LGSN: variants seen among roughly 807,000 people sequenced by gnomAD.
LGSN encodes the protein lengsin, lens protein with glutamine synthetase domain, also known as lengsin.
Under a neutral mutation model 19.5 loss-of-function variants are expected in LGSN, and 21 were observed. The ratio of observed to expected loss-of-function variants is 1.07; its 90% CI spans 0.76 to 1.55. The LOEUF (loss-of-function observed/expected upper bound fraction) is 1.55, where lower values mean the gene tolerates loss of function less well. Ranked by LOEUF, LGSN falls within the 40% of genes most tolerant of loss-of-function variation. The probability of loss-of-function intolerance (pLI) is 0.00; values close to 1 mark genes in which losing one functional copy is unlikely to be tolerated. For synonymous variants in LGSN, 257 were observed against 215.6 expected, an observed-to-expected ratio of 1.19 and a Z score of -1.68; for missense variants, 673 against 608.5, an observed-to-expected ratio of 1.11 and a Z score of -1.12.
the LGSN span, chr6:63,549,288 A>G: frequency 1.3e-6 from 1 of 753,676 alleles, no homozygotes; most frequent in Non-Finnish European, 2.4e-6. Flanking sequence ...AGGCACTTTC[A>G]GCCACTTACA....
At chr6:63,427,296 G>A in the LGSN span, among the ~76,000 whole-genome samples, 60 of 152,054 alleles carry the variant, frequency 3.9e-4, no homozygotes, top group South Asian at 4.6e-3. Flanking sequence ...CACCCACATC[G>A]TCCTCCCAAA....
upstream of LGSN, among the ~76,000 whole-genome samples, chr6:63,324,604 T>A (rs1197945077): frequency 1.3e-5 from 2 of 151,950 alleles, no homozygotes; most frequent in African/African-American, 2.4e-5. Flanking sequence ...AAAATCAACA[T>A]CAAGAGGAAC....
chr6:63,530,314 GAC>G, the LGSN span, among the ~76,000 whole-genome samples: 1 of 152,124 alleles, frequency 6.6e-6, no homozygotes. Flanking sequence ...CACAGCTACA[GAC>G]AAAGCCAGCC....
At chr6:63,426,406 C>T in the LGSN span, among the ~76,000 whole-genome samples, 2 of 152,234 alleles carry the variant, frequency 1.3e-5, no homozygotes, top group Non-Finnish European at 2.9e-5. Context: ...TTCCCGCCCT[C>T]TACCAACTTC....
chr6:63,278,652 A>C lies in LGSN; in HGVS notation c.*1369T>G, dbSNP rs1397145486. 6.8e-6 allele frequency: 1 copy of C among 147,724 alleles called. No individual in the cohort carries two copies. The highest frequency in any genetic ancestry group is 1.5e-5 in the Non-Finnish European group (1 of 67,304). 9.2% of individuals were successfully genotyped at this position (147,724 alleles called of 1,614,324 possible). On this transcript the variant is annotated 3_prime_UTR_variant, in exon 4 of 4. Coordinates refer to ENST00000370657, the MANE Select transcript of LGSN (RefSeq NM_016571.3). Reference sequence around the variant, plus strand: ...TTTTTGTAGAAACAGGGGTCTCACTATGTGGTCCAGGCTGGACTCAAACTC... The same window carrying C: ...TTTTTGTAGAAACAGGGGTCTCACTCTGTGGTCCAGGCTGGACTCAAACTC...
the LGSN span, among the ~76,000 whole-genome samples, chr6:63,554,693 A>G: frequency 6.6e-6 from 1 of 152,328 alleles, no homozygotes; most frequent in African/African-American, 2.4e-5. Context: ...AGGCTGAGGC[A>G]CAAGAGTCCC....
intron 1 of LGSN, among the ~76,000 whole-genome samples, chr6:63,311,415 G>T (rs1768623477): frequency 6.6e-6 from 1 of 152,216 alleles, no homozygotes; most frequent in Non-Finnish European, 1.5e-5. Flanking sequence ...AATTGATGTG[G>T]ATGATCTGCC....
chr6:63,519,838 AATC>A, the LGSN span, among the ~76,000 whole-genome samples: 1 of 152,252 alleles, frequency 6.6e-6, no homozygotes, highest in East Asian at 1.9e-4. Context: ...CCTGAAATTC[AATC>A]ATCAATTTAT....
At chr6:63,323,773 CTTTTTTTTT>C (rs150256951), upstream of LGSN, among the ~76,000 whole-genome samples, 1 of 126,274 alleles carries the variant, frequency 7.9e-6, no homozygotes, top group African/African-American at 3.0e-5. Context: ...TTTTTGCATT[CTTTTTTTTT>C]TTTTTTTTGA....
the LGSN span, among the ~76,000 whole-genome samples, chr6:63,412,656 G>A: frequency 9.0e-6 from 1 of 111,234 alleles, no homozygotes. Flanking sequence ...GGAAGGAAGG[G>A]AAGGAAAGGA....
At chr6:63,480,964 T>C in the LGSN span, among the ~76,000 whole-genome samples, 2 of 37,760 alleles carry the variant, frequency 5.3e-5, no homozygotes, top group Non-Finnish European at 8.4e-5. Flanking sequence ...TATATATATA[T>C]ATATATATAT....
At chr6:63,539,259 C>T in the LGSN span, among the ~76,000 whole-genome samples, 37 of 152,092 alleles carry the variant, frequency 2.4e-4, no homozygotes, top group African/African-American at 8.9e-4. Context: ...AATTACATAA[C>T]ATGTAATATT....
chr6:63,571,696 T>C, the LGSN span: 1 of 152,350 alleles, frequency 6.6e-6, no homozygotes, highest in Admixed American at 6.5e-5. Flanking sequence ...ATGCATGTGA[T>C]TTCGAAATGC....
At chr6:63,412,507 A>AGAG in the LGSN span, among the ~76,000 whole-genome samples, 4 of 115,250 alleles carry the variant, frequency 3.5e-5, no homozygotes, top group African/African-American at 1.6e-4. Context: ...AGAAAGAAAG[A>AGAG]AAGAAAGAAA....
intron 1 of LGSN, among the ~76,000 whole-genome samples, chr6:63,306,793 AATTGTTGCCAT>A (rs1223201595): frequency 1.6e-4 from 24 of 152,258 alleles, no homozygotes; most frequent in African/African-American, 5.8e-4. Flanking sequence ...GAGTCCAGAC[AATTGTTGCCAT>A]ATTAAAACGT....
the LGSN span, among the ~76,000 whole-genome samples, chr6:63,383,371 TACACACACACACACAC>T: frequency 6.5e-5 from 9 of 139,200 alleles, no homozygotes; most frequent in Non-Finnish European, 1.1e-4. Flanking sequence ...AACCATTACT[TACACACACACACACAC>T]ACACACACAC....
chr6:63,465,321 C>G, the LGSN span, among the ~76,000 whole-genome samples: 1 of 151,900 alleles, frequency 6.6e-6, no homozygotes, highest in Admixed American at 6.6e-5. Context: ...GCTGGGATTA[C>G]AGGCACCCAC....
the LGSN span, among the ~76,000 whole-genome samples, chr6:63,354,620 G>C: frequency 6.6e-6 from 1 of 152,122 alleles, no homozygotes; most frequent in South Asian, 2.1e-4. Flanking sequence ...AATACCATAT[G>C]ATCTATCACT....
the LGSN span, among the ~76,000 whole-genome samples, chr6:63,445,792 A>T: frequency 5.5e-4 from 83 of 152,276 alleles, no homozygotes; most frequent in East Asian, 0.014. Flanking sequence ...TTGCCTGCCA[A>T]CTGTGTTCTT....
Sources: gnomAD v4.1 joint callset for allele counts (sites outside exome capture counted in the v4.1 genomes callset) on GRCh38, gnomAD v4.1.1 for gene constraint, MANE v1.5 for transcripts, NCBI Gene and HGNC (gene_info 2026-07-23, HGNC 2026-07-21) for gene names.